The following CNNM1 variants were observed in gnomAD, a reference collection of about 807,000 sequenced individuals.
The protein encoded by CNNM1 is metal transporter CNNM1.
A neutral mutation model predicts 78.8 loss-of-function variants in CNNM1; 44 were observed. The ratio of observed to expected loss-of-function variants is 0.56; its 90% CI spans 0.44 to 0.72. The LOEUF is 0.72. Ranked by LOEUF, CNNM1 falls within the 30% of genes least tolerant of loss-of-function variation. The probability of loss-of-function intolerance (pLI) is 0.00; values close to 1 mark genes in which losing one functional copy is unlikely to be tolerated. For missense variants in CNNM1, 1,101 were observed against 1,292.2 expected (o/e 0.85, Z 2.27); for synonymous variants, 584 against 581.5 (o/e 1.00, Z -0.06).
rs79114395 is a variant in CNNM1, at chr10:99,386,231, T to A, written c.2341-1589T>A. On this transcript the variant is annotated intron_variant, in intron 7 of 10. Coordinates refer to ENST00000356713, the MANE Select transcript of CNNM1 (RefSeq NM_020348.3). The stretch of plus-strand genomic sequence containing the variant: ...TAGAAGAAAAAAACCAAAACCTGAG[T>A]AGTACCTGTAACTAATTTTAACTAG... Among the ~76,000 whole-genome samples the A allele has an allele frequency of 3.6e-3, 555 of 152,320 alleles. 3 individuals carry two copies. The highest frequency in any genetic ancestry group is 5.6e-3 in the Non-Finnish European group (380 of 68,034).
chr10:99,380,659 C>T, intron 7 of CNNM1, among the ~76,000 whole-genome samples: 1 of 151,958 alleles, frequency 6.6e-6, no homozygotes, highest in Non-Finnish European at 1.5e-5. Context: ...GGCATGGTGG[C>T]AGGCATCTGT....
chr10:99,377,450 G>A (rs1438666312), intron 7 of CNNM1: 1 of 348,804 alleles, frequency 2.9e-6, no homozygotes, highest in African/African-American at 2.1e-5. Flanking sequence ...CTTTTTTCAT[G>A]TGGGGAAATG....
chr10:99,368,606 CT>C, intron 6 of CNNM1: 1 of 1,289,554 alleles, frequency 7.8e-7, no homozygotes, highest in Non-Finnish European at 1.0e-6. Flanking sequence ...TCCTTGGCCC[CT>C]GACTCTTTAG....
intron 10 of CNNM1, among the ~76,000 whole-genome samples, chr10:99,390,773 A>G (rs2032449467): frequency 6.6e-6 from 1 of 152,254 alleles, no homozygotes; most frequent in Admixed American, 6.5e-5. Flanking sequence ...CATATGGCCC[A>G]CAGGCCTCTA....
At position 99,362,125 on chromosome 10, in the gene CNNM1, G is replaced by C. The variant is rs2031453292; in HGVS notation, c.1859-102G>C. 3 of 1,075,612 alleles carry C rather than the reference G, an allele frequency of 2.8e-6. No individual in the cohort carries two copies. In the East Asian group the frequency reaches 8.2e-5, roughly 29 times the overall value. The allele number at this position is 1,075,612 out of a possible 1,614,324, so 66.6% of individuals were successfully genotyped here. ...ACCTGATGCCCAGGTACAGGCACAG[G>C]GGTCCCAGTTGTGCCCACTCTGACT... is the stretch of plus-strand genomic sequence containing the variant. On this transcript the variant is annotated intron_variant, in intron 3 of 10. Coordinates refer to ENST00000356713, the MANE Select transcript of CNNM1 (RefSeq NM_020348.3).
intron 7 of CNNM1, among the ~76,000 whole-genome samples, chr10:99,379,831 T>G (rs1227314164): frequency 6.6e-6 from 1 of 152,110 alleles, no homozygotes; most frequent in Admixed American, 6.6e-5. Flanking sequence ...TTTTGGCCAC[T>G]GTAACAAATT....
chr10:99,346,523 A>T (rs1042751095), intron 1 of CNNM1, among the ~76,000 whole-genome samples: 1 of 152,134 alleles, frequency 6.6e-6, no homozygotes, highest in Non-Finnish European at 1.5e-5. Context: ...TCAGAAATTG[A>T]TCTCTTCTCT....
intron 1 of CNNM1, among the ~76,000 whole-genome samples, chr10:99,351,105 T>C (rs1438009024): frequency 1.3e-5 from 2 of 152,170 alleles, no homozygotes; most frequent in Non-Finnish European, 2.9e-5. Flanking sequence ...CGATACGAGG[T>C]AGTGATGATA....
At chr10:99,367,133 G>T (rs2031645620) in intron 6 of CNNM1, among the ~76,000 whole-genome samples, 1 of 152,160 alleles carries the variant, frequency 6.6e-6, no homozygotes, top group African/African-American at 2.4e-5. Context: ...CCGGGTGAAT[G>T]CTCAGCCCAT....
chr10:99,378,055 C>A (rs2134071488), intron 7 of CNNM1, among the ~76,000 whole-genome samples: 1 of 151,634 alleles, frequency 6.6e-6, no homozygotes, highest in Admixed American at 6.6e-5. Context: ...CCTCCATCTC[C>A]CAGGTTCAAG....
intron 2 of CNNM1, among the ~76,000 whole-genome samples, chr10:99,358,458 A>G (rs563597497): frequency 2.6e-5 from 4 of 152,192 alleles, no homozygotes; most frequent in Non-Finnish European, 5.9e-5. Context: ...TGGAATAGCC[A>G]TCCTTTTCTT....
intron 1 of CNNM1, among the ~76,000 whole-genome samples, chr10:99,357,000 C>T (rs1048693049): frequency 6.6e-6 from 1 of 152,200 alleles, no homozygotes; most frequent in Non-Finnish European, 1.5e-5. Flanking sequence ...GTAGATCACA[C>T]CTCTCCGTGG....
At chr10:99,384,036 G>C (rs1473857191) in intron 7 of CNNM1, among the ~76,000 whole-genome samples, 1 of 152,138 alleles carries the variant, frequency 6.6e-6, no homozygotes, top group Non-Finnish European at 1.5e-5. Flanking sequence ...AATTATTTTG[G>C]ATATATTGGG....
intron 7 of CNNM1, among the ~76,000 whole-genome samples, chr10:99,377,680 T>A (rs1407247252): frequency 1.3e-5 from 2 of 152,254 alleles, no homozygotes; most frequent in African/African-American, 4.8e-5. Context: ...GAAACCATGC[T>A]ATACTTTTAC....
rs2134088214 is a variant in CNNM1 at position 99,391,686 on chromosome 10, C to T, written c.*170C>T. On this transcript the variant is annotated 3_prime_UTR_variant, in exon 11 of 11. Transcript: ENST00000356713. Reference sequence around the variant, plus strand: ...AGTTTGGCAGATTTTCCCTCGTTACCTCCAGTTCGACTCAGAACCTTGACA... The same window carrying T: ...AGTTTGGCAGATTTTCCCTCGTTACTTCCAGTTCGACTCAGAACCTTGACA... 1.7e-6 allele frequency: 1 copy of T among 596,464 alleles called. No individual in the cohort carries two copies. The highest frequency in any genetic ancestry group is 1.9e-5 in the African/African-American group (1 of 53,626). The allele number at this position is 596,464 out of a possible 1,614,324, so 36.9% of individuals were successfully genotyped here.
At chr10:99,357,323 AG>A (rs1284842953) in intron 1 of CNNM1, among the ~76,000 whole-genome samples, 188 bp from the exon 2 acceptor site, 1 of 152,246 alleles carries the variant, frequency 6.6e-6, no homozygotes, top group Non-Finnish European at 1.5e-5. Context: ...CAAATCTAGA[AG>A]AATAAGGTTT....
Position 99,377,166 on chromosome 10 carries a change from T to C in CNNM1, c.2288T>C (p.Leu763Pro), listed in dbSNP as rs1296494440. ...CAGCTGTACAGCAGCAGCAACAACC[T>C]CTACATGCCTGACTACTCAGTCCAC... ...NTQLYSSSNNLYMPDYSVHIL... is the reference protein window; with the variant it reads ...NTQLYSSSNNPYMPDYSVHIL... Residue 763 changes from leucine to proline, a missense_variant, in exon 7 of 11, where the codon CTC becomes CCC. Physicochemically the swap from Leu to Pro is moderately conservative, Grantham distance 98. Transcript: ENST00000356713. 7 of 1,613,504 alleles carry C rather than the reference T, an allele frequency of 4.3e-6. No individual in the cohort carries two copies. In the South Asian group the frequency reaches 7.7e-5, roughly 18 times the overall value.
chr10:99,342,418 T>C (rs1339028798), intron 1 of CNNM1, among the ~76,000 whole-genome samples: 4 of 152,220 alleles, frequency 2.6e-5, no homozygotes, highest in Non-Finnish European at 4.4e-5. Flanking sequence ...ACCATGGTGC[T>C]CTGGATGACA....
intron 1 of CNNM1, among the ~76,000 whole-genome samples, chr10:99,342,952 C>A (rs1246059004): frequency 6.6e-6 from 1 of 151,336 alleles, no homozygotes; most frequent in African/African-American, 2.4e-5. Context: ...CTAGTCCCAT[C>A]TTTTTTTTTC....
Sources: allele counts gnomAD v4.1 joint callset (sites outside exome capture counted in the v4.1 genomes callset), GRCh38; gene constraint gnomAD v4.1.1; transcripts MANE v1.5; gene names NCBI Gene and HGNC (gene_info 2026-07-23, HGNC 2026-07-21).